PALLD: variants seen among roughly 807,000 people sequenced by gnomAD.
The protein encoded by PALLD is palladin.
PALLD carries 61 observed loss-of-function variants against 123.5 expected under a neutral mutation model. The ratio of observed to expected loss-of-function variants is 0.49; its 90% CI spans 0.40 to 0.61. The LOEUF (loss-of-function observed/expected upper bound fraction) is 0.61. PALLD is among the 20% of genes least tolerant of loss of function. The probability of loss-of-function intolerance (pLI) is 0.00; values close to 1 mark genes in which losing one functional copy is unlikely to be tolerated. For synonymous variants in PALLD, 465 were observed against 496.4 expected (o/e 0.94, Z 0.84); for missense variants, 1,273 against 1,377.0 (o/e 0.92, Z 1.20).
intron 10 of PALLD, among the ~76,000 whole-genome samples, chr4:168,713,547 CA>C (rs1785039399): frequency 6.6e-6 from 1 of 152,100 alleles, no homozygotes; most frequent in Non-Finnish European, 1.5e-5. Context: ...TGTTAAGAGG[CA>C]TCTACAGCCC....
At chr4:168,720,136 C>G (rs548052047) in intron 10 of PALLD, among the ~76,000 whole-genome samples, 1 of 152,204 alleles carries the variant, frequency 6.6e-6, no homozygotes, top group Non-Finnish European at 1.5e-5. Context: ...TTTGAATAAT[C>G]TATAACCTGG....
intron 10 of PALLD, among the ~76,000 whole-genome samples, chr4:168,824,577 A>G (rs993624140): frequency 1.3e-5 from 2 of 152,096 alleles, no homozygotes; most frequent in Admixed American, 6.5e-5. Flanking sequence ...GACAAATATC[A>G]TATACTAATA....
At chr4:168,709,268 G>T in intron 9 of PALLD, 121 bp downstream of exon 9, 1 of 984,858 alleles carries the variant, frequency 1.0e-6, no homozygotes. Flanking sequence ...CCAGCACTTT[G>T]GGAGGCCGAG....
At chr4:168,658,283 TG>T (rs374192491) in intron 2 of PALLD, among the ~76,000 whole-genome samples, 3,177 of 134,256 alleles carry the variant, frequency 0.024, 238 homozygotes, top group African/African-American at 0.091. Context: ...GGTTTTTATT[TG>T]GTTTTTTTTT....
intron 10 of PALLD, among the ~76,000 whole-genome samples, chr4:168,858,654 T>A (rs917362034): frequency 2.6e-5 from 4 of 152,048 alleles, no homozygotes; most frequent in Non-Finnish European, 5.9e-5. Flanking sequence ...CGGTGGCACA[T>A]ACCTGCGGTT....
At chr4:168,900,015 AG>A (rs1328102753) in intron 14 of PALLD, among the ~76,000 whole-genome samples, 2 of 152,226 alleles carry the variant, frequency 1.3e-5, no homozygotes, top group African/African-American at 4.8e-5. Context: ...GTGCGGCCTC[AG>A]GAAGCTTACA....
chr4:168,741,594 G>A (rs1360043813), intron 10 of PALLD, among the ~76,000 whole-genome samples: 1 of 152,168 alleles, frequency 6.6e-6, no homozygotes, highest in Non-Finnish European at 1.5e-5. Flanking sequence ...GTGAGGTGGA[G>A]GATCACTTGA....
At chr4:168,562,097 T>TG (rs1554042029) in intron 2 of PALLD, among the ~76,000 whole-genome samples, 1 of 145,012 alleles carries the variant, frequency 6.9e-6, no homozygotes, top group East Asian at 2.0e-4. Flanking sequence ...GTCACAAGGA[T>TG]AAAAAAAAAA....
intron 2 of PALLD, among the ~76,000 whole-genome samples, chr4:168,548,122 C>T (rs1766354716): frequency 6.6e-6 from 1 of 152,088 alleles, no homozygotes; most frequent in South Asian, 2.1e-4. Context: ...ACACCAACTA[C>T]ACGTCAGACC....
At chr4:168,515,358 T>G (rs779978301) in intron 2 of PALLD, among the ~76,000 whole-genome samples, 23 of 152,200 alleles carry the variant, frequency 1.5e-4, no homozygotes, top group Non-Finnish European at 1.5e-5. Flanking sequence ...ACTCAGACTG[T>G]GTCAGTCCAG....
At chr4:168,711,513 A>G (rs1426122788) in intron 9 of PALLD, 68 bp from the exon 10 acceptor site, 33 of 1,072,054 alleles carry the variant, frequency 3.1e-5, no homozygotes, top group Non-Finnish European at 4.8e-5. Context: ...GAAGACTCTG[A>G]CAGTGTGAAA....
chr4:168,783,967 A>T (rs2150565793), intron 10 of PALLD, among the ~76,000 whole-genome samples: 1 of 152,282 alleles, frequency 6.6e-6, no homozygotes, highest in African/African-American at 2.4e-5. Flanking sequence ...TCCTGAGGCC[A>T]GGCACTGTGG....
intron 15 of PALLD, among the ~76,000 whole-genome samples, chr4:168,907,313 T>C (rs566271864): frequency 1.3e-5 from 2 of 152,286 alleles, no homozygotes; most frequent in East Asian, 3.9e-4. Context: ...ATCAGTTCTG[T>C]GTCTAGGTAC....
intron 14 of PALLD, among the ~76,000 whole-genome samples, chr4:168,903,291 G>A (rs1445748910): frequency 6.6e-6 from 1 of 152,086 alleles, no homozygotes; most frequent in Non-Finnish European, 1.5e-5. Context: ...TCAGTGAAAT[G>A]ATTAGAGTTT....
intron 3 of PALLD, among the ~76,000 whole-genome samples, chr4:168,670,626 G>A (rs1448669607): frequency 2.0e-5 from 3 of 150,346 alleles, no homozygotes; most frequent in African/African-American, 7.4e-5. Context: ...CCAGCTACTC[G>A]GGAGGCTGAG....
At chr4:168,633,824 C>G (rs1776071222) in intron 2 of PALLD, among the ~76,000 whole-genome samples, 1 of 152,128 alleles carries the variant, frequency 6.6e-6, no homozygotes, top group Admixed American at 6.5e-5. Context: ...TTTTTTCCAT[C>G]AAGCTTTAAT....
rs1283798973 is a variant in PALLD, at chr4:168,857,256, C to G, written c.1965-33666C>G. Among the ~76,000 whole-genome samples, 4 of 152,154 alleles carry G rather than the reference C, an allele frequency of 2.6e-5. No homozygotes were observed. The East Asian group carries it at 7.7e-4, about 29-fold the overall frequency. Reference sequence around the variant, plus strand: ...TGTATGCTGCCTGCCAGAGGCAGCGCTCTGTAAGACGACTTCATTGTTTGC... The same window carrying G: ...TGTATGCTGCCTGCCAGAGGCAGCGGTCTGTAAGACGACTTCATTGTTTGC... On this transcript the variant is annotated intron_variant, in intron 10 of 21. Coordinates refer to ENST00000505667, the MANE Select transcript of PALLD (RefSeq NM_001166108.2).
At chr4:168,774,743 A>AAAAAAAC (rs1734948720) in intron 10 of PALLD, among the ~76,000 whole-genome samples, 1 of 151,378 alleles carries the variant, frequency 6.6e-6, no homozygotes, top group African/African-American at 2.4e-5. Flanking sequence ...AAAAAAAAAA[A>AAAAAAAC]AAAGATAGCA....
chr4:168,582,703 C>T (rs552991322), intron 2 of PALLD, among the ~76,000 whole-genome samples: 13 of 152,184 alleles, frequency 8.5e-5, no homozygotes, highest in African/African-American at 3.1e-4. Flanking sequence ...TATCCCTCAT[C>T]CTGTTAATGT....
Sources: allele counts gnomAD v4.1 joint callset (sites outside exome capture counted in the v4.1 genomes callset), GRCh38; gene constraint gnomAD v4.1.1; transcripts MANE v1.5; gene names NCBI Gene and HGNC (gene_info 2026-07-23, HGNC 2026-07-21).